Variants in AADACL2 observed in about 807,000 individuals in gnomAD.
AADACL2 encodes the protein arylacetamide deacetylase like 2.
AADACL2 carries 23 observed loss-of-function variants against 22.3 expected under a neutral mutation model. That is an observed-to-expected ratio of 1.03 (90% CI 0.74 to 1.46). The LOEUF is 1.46. Among genes scored for constraint, AADACL2 ranks in the 40% most tolerant of loss-of-function variants. AADACL2 has a pLI of 0.00. For missense variants in AADACL2, 472 were observed against 482.9 expected (o/e 0.98, Z 0.21); for synonymous variants, 177 against 166.2 (o/e 1.07, Z -0.50).
At chr3:151,741,324 AG>A (rs1259091941) in intron 2 of AADACL2, among the ~76,000 whole-genome samples, 1 of 152,154 alleles carries the variant, frequency 6.6e-6, no homozygotes, top group Non-Finnish European at 1.5e-5. Context: ...TGCAGTTGTT[AG>A]TATTGACTCT....
chr3:151,754,325 C>T (rs1253149410), intron 4 of AADACL2, among the ~76,000 whole-genome samples: 1 of 152,062 alleles, frequency 6.6e-6, no homozygotes, highest in Non-Finnish European at 1.5e-5. Context: ...ACTTAGGAGA[C>T]CAGTCTTCAT....
rs375818817 is a variant in AADACL2 at position 151,740,782 on chromosome 3, G to A, written c.275G>A (p.Arg92Gln). ...ACAACATTTGTTGACATTCCAGTAC[G>A]ATTGTACTTGCCAAAAAGAAAGTCA... ...TDTTFVDIPV[R>Q]LYLPKRKSET... is the part of the protein sequence containing the mutation. The change falls in exon 2 of 5, where the codon CGA becomes CAA. Residue 92 changes from arginine (R) to glutamine (Q), a missense_variant. Around this residue, in one of 3 missense-constraint regions of AADACL2, gnomAD observed 356 missense variants for 365.5 expected, o/e 0.97. Transcript: ENST00000356517. 9.3e-6 allele frequency: 15 copies of A among 1,613,784 alleles called. No individual in the cohort carries two copies. Among genetic ancestry groups the A allele is most frequent in the African/African-American group, 1.3e-5 (1 of 74,882 alleles).
chr3:151,752,906 C>T (rs940590554), intron 4 of AADACL2, among the ~76,000 whole-genome samples: 3 of 151,830 alleles, frequency 2.0e-5, no homozygotes, highest in South Asian at 2.1e-4. Context: ...GTAATAAAGC[C>T]GTATGATCTT....
chr3:151,740,920 A>G, intron 2 of AADACL2, 52 bp downstream of exon 2: 1 of 1,486,946 alleles, frequency 6.7e-7, no homozygotes, highest in Non-Finnish European at 9.3e-7. Context: ...TTTTTGATAT[A>G]AGAACTATTT....
rs761777618 is a variant in AADACL2, at chr3:151,757,348, G to C, written c.960G>C (p.Leu320Phe). The change falls in exon 5 of 5, where the codon TTG (leucine) becomes TTC (phenylalanine). Residue 320 changes from leucine to phenylalanine, a missense_variant. Leu to Phe is a conservative substitution (Grantham distance 22). Coordinates refer to ENST00000356517, the MANE Select transcript of AADACL2 (RefSeq NM_207365.4). ...PGLTDSRALP[L>F]LANDSQLQNL... is the part of the protein sequence containing the mutation. ...TTACAGACAGCAGAGCATTACCCTT[G>C]TTGGCCAATGATTCTCAGTTACAGA... 17 of 1,613,570 alleles carry C rather than the reference G, an allele frequency of 1.1e-5. No individual in the cohort carries two copies. The highest frequency in any genetic ancestry group is 1.4e-5 in the Non-Finnish European group (17 of 1,179,712).
chr3:151,746,576 A>T (rs1713454978), intron 4 of AADACL2, among the ~76,000 whole-genome samples: 1 of 151,862 alleles, frequency 6.6e-6, no homozygotes, highest in Non-Finnish European at 1.5e-5. Flanking sequence ...TATTAACTGA[A>T]GGTTTTCATA....
At chr3:151,742,227 T>C (rs1010698107) in intron 2 of AADACL2, among the ~76,000 whole-genome samples, 1 of 152,174 alleles carries the variant, frequency 6.6e-6, no homozygotes, top group African/African-American at 2.4e-5. Flanking sequence ...AGACTTTTTA[T>C]ATACTTTTGT....
Position 151,734,210 on chromosome 3 carries a change from G to A in AADACL2, c.138+37G>A, listed in dbSNP as rs763991763. On this transcript the variant is annotated intron_variant, in intron 1 of 4. Coordinates refer to ENST00000356517, the MANE Select transcript of AADACL2 (RefSeq NM_207365.4). ...ATTTATTTTTTCTGTTGGAAATTGG[G>A]ATGACTTATTGACTAAAAATGGGTG... 5 of 1,600,378 alleles carry A rather than the reference G, an allele frequency of 3.1e-6. No homozygotes were observed. The African/African-American group carries it at 5.4e-5, about 17-fold the overall frequency.
chr3:151,745,003 A>C (rs1370986524), intron 3 of AADACL2, among the ~76,000 whole-genome samples: 1 of 152,156 alleles, frequency 6.6e-6, no homozygotes, highest in East Asian at 1.9e-4. Context: ...TTATATATCA[A>C]AATTTTTATC....
intron 2 of AADACL2, among the ~76,000 whole-genome samples, chr3:151,743,660 A>G (rs112363395): frequency 6.6e-6 from 1 of 152,168 alleles, no homozygotes; most frequent in Non-Finnish European, 1.5e-5. Flanking sequence ...ACATACTATT[A>G]CTTTCTTTTT....
chr3:151,752,676 G>A (rs762410910), intron 4 of AADACL2, among the ~76,000 whole-genome samples: 2 of 152,116 alleles, frequency 1.3e-5, no homozygotes, highest in Non-Finnish European at 2.9e-5. Flanking sequence ...TTTAGGATCA[G>A]AGATATTCTT....
intron 2 of AADACL2, 58 bp downstream of exon 2, chr3:151,740,926 T>G (rs566358867): frequency 7.2e-7 from 1 of 1,395,624 alleles, no homozygotes; most frequent in South Asian, 1.2e-5. Context: ...ATATAAGAAC[T>G]ATTTTATATA....
intron 4 of AADACL2, among the ~76,000 whole-genome samples, chr3:151,746,365 G>GTTTTTTTTTTTTTTTTTTTTTTTTTTTT (rs11385894): frequency 1.5e-5 from 2 of 136,972 alleles, no homozygotes; most frequent in Non-Finnish European, 3.1e-5. Flanking sequence ...TGTTTTTTTT[G>GTTTTTTTTTTTTTTTTTTTTTTTTTTTT]TTTTTTTTTT....
At chr3:151,746,081 A>T (rs111355987) in intron 4 of AADACL2, among the ~76,000 whole-genome samples, 1,527 of 152,252 alleles carry the variant, frequency 0.01, 26 homozygotes, top group African/African-American at 0.035. Flanking sequence ...ATTAATGTAC[A>T]TGGCATGTCT....
chr3:151,750,711 T>C (rs1713635479), intron 4 of AADACL2, among the ~76,000 whole-genome samples: 1 of 152,150 alleles, frequency 6.6e-6, no homozygotes, highest in South Asian at 2.1e-4. Flanking sequence ...CTTTTAAGTA[T>C]TATAAGATTC....
rs202246642 is a variant in AADACL2, at chr3:151,761,169, ATATT to A, written c.*3579_*3582del. ...GATATATATATATATGGTGAGATATATATTTATATATATGGTGAGATATATACAT... is the reference window on the plus strand; with the variant it reads ...GATATATATATATATGGTGAGATATATATATATATGGTGAGATATATACAT... On this transcript the variant is annotated 3_prime_UTR_variant, in exon 5 of 5. Transcript: ENST00000356517. 1 of 98,362 alleles carries A rather than the reference ATATT, an allele frequency of 1.0e-5. No individual in the cohort carries two copies. Among genetic ancestry groups the A allele is most frequent in the South Asian group, 3.0e-4 (1 of 3,354 alleles). 6.1% of individuals were successfully genotyped at this position (98,362 alleles called of 1,614,324 possible).
chr3:151,740,764 T>C lies in AADACL2; in HGVS notation c.257T>C (p.Phe86Ser). Residue 86 changes from phenylalanine (F) to serine (S), a missense_variant, in exon 2 of 5, where the codon TTT becomes TCT. Transcript: ENST00000356517. ...TACATCACAGTGACTGATACAACAT[T>C]TGTTGACATTCCAGTACGATTGTAC... is the stretch of plus-strand genomic sequence containing the variant. ...DEYITVTDTT[F>S]VDIPVRLYLP... The C allele has an allele frequency of 6.2e-7, 1 of 1,614,040 alleles. No homozygotes were observed. Among genetic ancestry groups the C allele is most frequent in the Non-Finnish European group, 8.5e-7 (1 of 1,179,948 alleles).
chr3:151,743,941 G>A (rs1713356791), intron 2 of AADACL2, 152 bp from the exon 3 acceptor site: 2 of 671,598 alleles, frequency 3.0e-6, no homozygotes, highest in Admixed American at 2.7e-5. Context: ...AGTGTGCCAC[G>A]TGGATTCAGG....
At chr3:151,735,028 C>T (rs1713044354) in intron 1 of AADACL2, among the ~76,000 whole-genome samples, 2 of 152,152 alleles carry the variant, frequency 1.3e-5, no homozygotes, top group Admixed American at 6.5e-5. Context: ...AAAGAAGAGG[C>T]TGTCTTATGA....
Sources: allele counts gnomAD v4.1 joint callset (sites outside exome capture counted in the v4.1 genomes callset), GRCh38; gene constraint gnomAD v4.1.1; regional missense constraint gnomAD v4.1.1; transcripts MANE v1.5; gene names NCBI Gene and HGNC (gene_info 2026-07-23, HGNC 2026-07-21).